The following FAM186A variants were observed in gnomAD, a reference collection of about 807,000 sequenced individuals.
FAM186A encodes the protein protein FAM186A.
A neutral mutation model predicts 216.8 loss-of-function variants in FAM186A; 163 were observed. That is an observed-to-expected ratio of 0.75 (90% CI 0.66 to 0.86). FAM186A has a LOEUF of 0.86. Ranked by LOEUF, FAM186A falls within the 40% of genes least tolerant of loss-of-function variation. The pLI is 0.00. For missense variants in FAM186A, 2,184 were observed against 2,746.2 expected, an observed-to-expected ratio of 0.80 and a Z score of 4.58; for synonymous variants, 805 against 1,025.3, an observed-to-expected ratio of 0.79 and a Z score of 4.10.
At chr12:50,341,450 A>T (rs901584161) in intron 4 of FAM186A, among the ~76,000 whole-genome samples, 1 of 152,206 alleles carries the variant, frequency 6.6e-6, no homozygotes, top group Non-Finnish European at 1.5e-5. Flanking sequence ...TTATGATTGT[A>T]TAAAGTCATA....
chr12:50,387,194 C>G (rs1943312487), intron 1 of FAM186A, among the ~76,000 whole-genome samples: 1 of 152,162 alleles, frequency 6.6e-6, no homozygotes. Flanking sequence ...AGACACCAGT[C>G]ACAAATCCAG....
chr12:50,374,107 CACATGGACACAGGAAGGGGA>C (rs1943174932), intron 1 of FAM186A, among the ~76,000 whole-genome samples: 2 of 137,292 alleles, frequency 1.5e-5, no homozygotes, highest in Non-Finnish European at 3.0e-5. Flanking sequence ...ACAATGAGAA[CACATGGACACAGGAAGGGGA>C]ACATCACACT....
At chr12:50,338,232 G>A (rs544170658) in intron 4 of FAM186A, among the ~76,000 whole-genome samples, 10 of 151,978 alleles carry the variant, frequency 6.6e-5, no homozygotes, top group African/African-American at 1.7e-4. Context: ...ACAGAGTTTC[G>A]CTCTTGTTGC....
Position 50,330,691 on chromosome 12 carries a change from C to G in FAM186A, c.6916G>C (p.Glu2306Gln), listed in dbSNP as rs1309910383. Residue 2306 changes from glutamate to glutamine, a missense_variant, in exon 7 of 8, where the codon GAG becomes CAG. Around this residue, in one of 7 missense-constraint regions of FAM186A, gnomAD observed 721 missense variants for 816.4 expected, o/e 0.88. Transcript: ENST00000327337. ...DLSTSSYPIA[E>Q]KTSMHSLWAQ... is the part of the protein sequence containing the mutation. ...CAGAGTGAATGCATAGATGTCTTCT[C>G]TGCTATTGGGTAGCTTGAAGTGGAC... The G allele has an allele frequency of 6.5e-7, 1 of 1,549,140 alleles. No individual in the cohort carries two copies.
chr12:50,330,900 T>C (rs1000151689), intron 6 of FAM186A, 142 bp from the exon 7 acceptor site: 3 of 639,252 alleles, frequency 4.7e-6, no homozygotes, highest in African/African-American at 3.9e-5. Context: ...CTATGCCCAC[T>C]TTGACAGAGA....
intron 1 of FAM186A, among the ~76,000 whole-genome samples, chr12:50,378,268 C>G (rs184724472): frequency 1.3e-5 from 2 of 151,506 alleles, no homozygotes; most frequent in Non-Finnish European, 2.9e-5. Context: ...CGGTGGCTCA[C>G]GCCTGTAATC....
At chr12:50,346,201 A>AGAGAGAG (rs1942810621) in intron 4 of FAM186A, among the ~76,000 whole-genome samples, 3 of 76,686 alleles carry the variant, frequency 3.9e-5, no homozygotes, top group African/African-American at 8.7e-5. Context: ...GAAAGAAAGA[A>AGAGAGAG]AGAGAGAGAG....
chr12:50,356,859 C>T (rs1197242440), intron 3 of FAM186A, among the ~76,000 whole-genome samples: 3 of 152,160 alleles, frequency 2.0e-5, no homozygotes, highest in South Asian at 2.1e-4. Context: ...ATTAGCCAGG[C>T]GTGATGGCGC....
chr12:50,369,795 C>G (rs1466882233), intron 1 of FAM186A, among the ~76,000 whole-genome samples: 1 of 151,938 alleles, frequency 6.6e-6, no homozygotes, highest in Admixed American at 6.6e-5. Context: ...TTGAGACCAG[C>G]CTGGCCAACA....
At chr12:50,343,918 C>CTT (rs71083535) in intron 4 of FAM186A, among the ~76,000 whole-genome samples, 9 of 136,818 alleles carry the variant, frequency 6.6e-5, no homozygotes, top group Non-Finnish European at 9.5e-5. Flanking sequence ...CACACCCAGC[C>CTT]TTTTTTTTTT....
chr12:50,354,282 C>G lies in FAM186A; in HGVS notation c.2550G>C (p.Leu850Phe), dbSNP rs1565886529. ...KQQLLGERNL[L>F]KEHYEKISEN... is the part of the protein sequence containing the mutation. ...CACTTATCTTCTCATAGTGCTCCTTCAAGAGATTTCTTTCTCCCAGCAACT... is the reference window on the plus strand; with the variant it reads ...CACTTATCTTCTCATAGTGCTCCTTGAAGAGATTTCTTTCTCCCAGCAACT... The change falls in exon 4 of 8, where the codon TTG (leucine) becomes TTC (phenylalanine). Residue 850 changes from leucine (L) to phenylalanine (F), a missense_variant. Physicochemically the swap from Leu to Phe is conservative, Grantham distance 22 (BLOSUM62 0). Around this residue, in one of 7 missense-constraint regions of FAM186A, gnomAD observed 1,132 missense variants for 1,263.4 expected, o/e 0.90. Coordinates refer to ENST00000327337, the MANE Select transcript of FAM186A (RefSeq NM_001145475.3). 6.4e-7 allele frequency: 1 copy of G among 1,551,628 alleles called. No individual in the cohort carries two copies. The highest frequency in any genetic ancestry group is 2.4e-5 in the East Asian group (1 of 40,930).
chr12:50,357,708 CAG>C (rs1555216857), intron 3 of FAM186A, among the ~76,000 whole-genome samples: 1 of 152,106 alleles, frequency 6.6e-6, no homozygotes, highest in African/African-American at 2.4e-5. Context: ...CAGTAACAAA[CAG>C]GGAAAGTTTG....
intron 4 of FAM186A, among the ~76,000 whole-genome samples, chr12:50,344,569 G>T (rs1942794348): frequency 6.6e-6 from 1 of 152,188 alleles, no homozygotes; most frequent in Non-Finnish European, 1.5e-5. Flanking sequence ...GCTGCAATGA[G>T]CAGACAAGTG....
chr12:50,367,802 G>A (rs1272029122), intron 1 of FAM186A, among the ~76,000 whole-genome samples: 1 of 151,966 alleles, frequency 6.6e-6, no homozygotes, highest in Non-Finnish European at 1.5e-5. Flanking sequence ...CTAACACTGA[G>A]CAATATGAAA....
Position 50,396,560 on chromosome 12 carries a change from T to C in FAM186A, c.-76A>G. On this transcript the variant is annotated 5_prime_UTR_variant, in exon 1 of 8. Coordinates refer to ENST00000327337, the MANE Select transcript of FAM186A (RefSeq NM_001145475.3). ...CAAAAATGCTAATAAAGATATCCAG[T>C]AGGAAGCTAGGAGAGGTCTTTCCTG... 7.2e-7 allele frequency: 1 copy of C among 1,383,656 alleles called. No homozygotes were observed. The highest frequency in any genetic ancestry group is 9.7e-7 in the Non-Finnish European group (1 of 1,027,992). The allele number at this position is 1,383,656 out of a possible 1,614,324, so 85.7% of individuals were successfully genotyped here.
intron 3 of FAM186A, among the ~76,000 whole-genome samples, chr12:50,358,019 A>T (rs1942995766): frequency 6.6e-6 from 1 of 152,172 alleles, no homozygotes; most frequent in African/African-American, 2.4e-5. Flanking sequence ...AAGAAATCAT[A>T]CAAAGTATGT....
chr12:50,374,452 G>T lies in FAM186A; in HGVS notation c.193-11088C>A, dbSNP rs12426847. Among the ~76,000 whole-genome samples the T allele has an allele frequency of 8.9e-3, 1,357 of 152,144 alleles. 24 individuals are homozygous for T. The highest frequency in any genetic ancestry group is 0.029 in the African/African-American group (1,221 of 41,512). On this transcript the variant is annotated intron_variant, in intron 1 of 7. Transcript: ENST00000327337. ...CAATATCCTTAAAAAATAGCATCAT[G>T]AAAAAGTGGGATTTACCCTGGTATG...
intron 3 of FAM186A, 130 bp downstream of exon 3, chr12:50,360,626 A>G (rs565828937): frequency 1.5e-6 from 1 of 685,324 alleles, no homozygotes; most frequent in Admixed American, 3.7e-5. Context: ...TGGAGGTTGC[A>G]TTGAACTGAG....
In FAM186A at chr12:50,383,506, G is replaced by A. The variant is rs12422996; in HGVS notation, c.192+12787C>T. On this transcript the variant is annotated intron_variant, in intron 1 of 7. Transcript: ENST00000327337. ...AGCAACTTGGGAGGCTGAGGCAGAA[G>A]AATCACTAGAACCCGGGAGGCAGAA... Among the ~76,000 whole-genome samples, 131 of 152,102 alleles carry A rather than the reference G, an allele frequency of 8.6e-4. 1 individual carries two copies. Among genetic ancestry groups the A allele is most frequent in the African/African-American group, 3.1e-3 (127 of 41,494 alleles).
Sources: allele counts gnomAD v4.1 joint callset (sites outside exome capture counted in the v4.1 genomes callset), GRCh38; gene constraint gnomAD v4.1.1; regional missense constraint gnomAD v4.1.1; transcripts MANE v1.5; gene names NCBI Gene and HGNC (gene_info 2026-07-23, HGNC 2026-07-21).